CELF4: variants seen among roughly 807,000 people sequenced by gnomAD.
CELF4 encodes the protein CUG-BP- and ETR-3-like factor 4.
In CELF4, 18 loss-of-function variants were observed where a neutral mutation model predicts 59.9. The ratio of observed to expected loss-of-function variants is 0.30; its 90% CI spans 0.21 to 0.45. The LOEUF (loss-of-function observed/expected upper bound fraction) is 0.45, where lower values mean the gene tolerates loss of function less well. Among genes scored for constraint, CELF4 ranks in the 20% least tolerant of loss-of-function variants. CELF4 has a pLI of 1.00. For synonymous variants in CELF4, 261 were observed against 267.1 expected (o/e 0.98, Z 0.22); for missense variants, 456 against 689.0 (o/e 0.66, Z 3.79).
At chr18:37,446,875 C>T (rs2099749650) in intron 2 of CELF4, among the ~76,000 whole-genome samples, 1 of 152,132 alleles carries the variant, frequency 6.6e-6, no homozygotes, top group Non-Finnish European at 1.5e-5. Context: ...GTGTGCAAAG[C>T]CCTGTAATTT....
At chr18:37,356,105 C>T (rs1260802575) in intron 2 of CELF4, among the ~76,000 whole-genome samples, 1 of 152,172 alleles carries the variant, frequency 6.6e-6, no homozygotes, top group East Asian at 1.9e-4. Flanking sequence ...ATTCAGGTGA[C>T]AGTCCAGTGG....
chr18:37,375,040 G>T (rs1485413044), intron 2 of CELF4, among the ~76,000 whole-genome samples: 1 of 152,214 alleles, frequency 6.6e-6, no homozygotes, highest in African/African-American at 2.4e-5. Context: ...GTGTCCTCAG[G>T]TTGGGTGTGT....
chr18:37,361,688 G>A (rs549414400), intron 2 of CELF4, among the ~76,000 whole-genome samples: 18 of 151,844 alleles, frequency 1.2e-4, no homozygotes, highest in South Asian at 4.2e-4. Context: ...CTTTATTCCC[G>A]CCTCTTTCCC....
intron 2 of CELF4, among the ~76,000 whole-genome samples, chr18:37,329,361 C>T (rs2097448840): frequency 1.3e-5 from 2 of 152,226 alleles, no homozygotes; most frequent in Non-Finnish European, 2.9e-5. Flanking sequence ...ACTGATGTGT[C>T]AAGCCCCAGC....
intron 2 of CELF4, among the ~76,000 whole-genome samples, chr18:37,411,577 G>T (rs2099458961): frequency 6.6e-6 from 1 of 152,184 alleles, no homozygotes; most frequent in African/African-American, 2.4e-5. Flanking sequence ...ACTTTCTGAT[G>T]GGTGAAGAAC....
chr18:37,438,313 C>A (rs879931), intron 2 of CELF4, among the ~76,000 whole-genome samples: 17,435 of 152,138 alleles, frequency 0.11, 1,064 homozygotes, highest in Middle Eastern at 0.16. Flanking sequence ...GTCAGTGTTA[C>A]CCCTTGAAAT....
intron 3 of CELF4, among the ~76,000 whole-genome samples, chr18:37,315,430 T>G (rs1423296412): frequency 6.6e-6 from 1 of 152,144 alleles, no homozygotes; most frequent in Non-Finnish European, 1.5e-5. Context: ...CCAGCCACCT[T>G]GCTGGCTTTT....
chr18:37,260,231 T>A (rs148817462), intron 10 of CELF4, among the ~76,000 whole-genome samples: 4 of 152,302 alleles, frequency 2.6e-5, no homozygotes, highest in African/African-American at 9.6e-5. Flanking sequence ...AATCTCAATA[T>A]CCCAGATCCC....
chr18:37,519,835 A>G (rs1335193241), intron 1 of CELF4, among the ~76,000 whole-genome samples: 1 of 152,178 alleles, frequency 6.6e-6, no homozygotes, highest in Admixed American at 6.5e-5. Context: ...TCCAGCCAGG[A>G]CTTTCCTGAT....
chr18:37,559,131 G>A (rs998354240), intron 1 of CELF4, among the ~76,000 whole-genome samples: 1 of 152,120 alleles, frequency 6.6e-6, no homozygotes, highest in Admixed American at 6.5e-5. Flanking sequence ...ATCCAAGCCA[G>A]GAGTTCTGAG....
intron 1 of CELF4, among the ~76,000 whole-genome samples, chr18:37,551,942 C>A (rs778871191): frequency 1.3e-5 from 2 of 152,218 alleles, no homozygotes; most frequent in African/African-American, 4.8e-5. Context: ...AATGAGACTT[C>A]ATTGCAGAGG....
At chr18:37,447,607 AT>A (rs1318698978) in intron 2 of CELF4, among the ~76,000 whole-genome samples, 1 of 152,122 alleles carries the variant, frequency 6.6e-6, no homozygotes, top group Non-Finnish European at 1.5e-5. Flanking sequence ...CACCCAGCAC[AT>A]CCTTGGCTGC....
chr18:37,527,469 T>C (rs1348475725), intron 1 of CELF4, among the ~76,000 whole-genome samples: 1 of 152,118 alleles, frequency 6.6e-6, no homozygotes, highest in Admixed American at 6.5e-5. Context: ...TTACGTGTAG[T>C]AAACTCCCCA....
At chr18:37,420,832 TC>T (rs1366723858) in intron 2 of CELF4, among the ~76,000 whole-genome samples, 1 of 152,154 alleles carries the variant, frequency 6.6e-6, no homozygotes, top group Non-Finnish European at 1.5e-5. Flanking sequence ...GATCAGAGAC[TC>T]CCAGCTTCTT....
chr18:37,400,314 G>A lies in CELF4; in HGVS notation c.370-78433C>T, dbSNP rs78100799. On this transcript the variant is annotated intron_variant, in intron 2 of 12. Coordinates refer to ENST00000420428, the MANE Select transcript of CELF4 (RefSeq NM_020180.4). ...CCTTCTAATAAACCTTTATATATGT[G>A]TGTATATATGTATATGTGTGTGTAT... is the stretch of plus-strand genomic sequence containing the variant. Among the ~76,000 whole-genome samples, 865 of 113,384 alleles carry A rather than the reference G, an allele frequency of 7.6e-3. 10 individuals are homozygous for A. Among genetic ancestry groups the A allele is most frequent in the African/African-American group, 0.026 (825 of 31,238 alleles). The allele number at this position is 113,384 out of a possible 152,430, so 74.4% of individuals were successfully genotyped here.
At position 37,456,058 on chromosome 18, in the gene CELF4, T is replaced by A. The variant is rs368371213; in HGVS notation, c.369+29467A>T. ...TGTTCTCCTCCTGAGGCCTCTGGAG[T>A]GTCATACCTACCCTTGGTCACCTGT... On this transcript the variant is annotated intron_variant, in intron 2 of 12. Transcript: ENST00000420428. 2.6e-5 allele frequency among the ~76,000 whole-genome samples: 4 copies of A among 152,170 alleles called. No individual in the cohort carries two copies. In the East Asian group the frequency reaches 5.8e-4, roughly 22 times the overall value.
At chr18:37,264,623 T>C (rs762449239) in intron 10 of CELF4, 51 bp downstream of exon 10, 7 of 1,480,384 alleles carry the variant, frequency 4.7e-6, no homozygotes, top group South Asian at 3.6e-5. Flanking sequence ...AGCAGCCTCT[T>C]TGGGGACAAC....
chr18:37,518,358 C>T (rs1388239017), intron 1 of CELF4, among the ~76,000 whole-genome samples: 2 of 152,192 alleles, frequency 1.3e-5, no homozygotes, highest in Admixed American at 6.5e-5. Flanking sequence ...GCCCGTGGCT[C>T]GCTTTATAGC....
intron 2 of CELF4, among the ~76,000 whole-genome samples, chr18:37,365,481 A>ATTTTTTT (rs10670336): frequency 6.1e-5 from 6 of 97,760 alleles, no homozygotes; most frequent in Admixed American, 1.3e-4. Context: ...GGATGGGGCA[A>ATTTTTTT]TTTTTTTTTT....
Sources: gnomAD v4.1 joint callset for allele counts (sites outside exome capture counted in the v4.1 genomes callset) on GRCh38, gnomAD v4.1.1 for gene constraint, MANE v1.5 for transcripts, NCBI Gene and HGNC (gene_info 2026-07-23, HGNC 2026-07-21) for gene names.